Variants in CDH23 observed in about 807,000 individuals in gnomAD.
The protein encoded by CDH23 is cadherin-23.
CDH23 carries 189 observed loss-of-function variants against 317.1 expected under a neutral mutation model. The observed-to-expected ratio is 0.60, with a 90% CI of 0.53 to 0.67. The LOEUF (loss-of-function observed/expected upper bound fraction) is 0.67. Ranked by LOEUF, CDH23 falls within the 30% of genes least tolerant of loss-of-function variation. CDH23 has a pLI of 0.00. For missense variants in CDH23, 4,401 were observed against 4,592.4 expected, an observed-to-expected ratio of 0.96 and a Z score of 1.20; for synonymous variants, 1,839 against 1,876.8, an observed-to-expected ratio of 0.98 and a Z score of 0.52.
chr10:71,500,495 A>G (rs74421213), intron 3 of CDH23, among the ~76,000 whole-genome samples: 2,602 of 152,298 alleles, frequency 0.017, 60 homozygotes, highest in African/African-American at 0.054. Flanking sequence ...AAGTAGACTG[A>G]GGAAAGCCAG....
chr10:71,411,730 T>C (rs956636350), intron 1 of CDH23, among the ~76,000 whole-genome samples: 3 of 152,256 alleles, frequency 2.0e-5, no homozygotes, highest in Non-Finnish European at 4.4e-5. Flanking sequence ...TGATGTTTGC[T>C]GTAGGTTTCT....
At chr10:71,772,901 G>T (rs966161128) in intron 38 of CDH23, among the ~76,000 whole-genome samples, 1 of 152,192 alleles carries the variant, frequency 6.6e-6, no homozygotes, top group East Asian at 1.9e-4. Flanking sequence ...AGGGCATGGG[G>T]CACTGGCTGA....
chr10:71,402,035 C>T (rs1272318466), intron 1 of CDH23, among the ~76,000 whole-genome samples: 1 of 152,192 alleles, frequency 6.6e-6, no homozygotes, highest in East Asian at 1.9e-4. Flanking sequence ...CACATGGAGA[C>T]AGTTTTCTAG....
At chr10:71,753,257 G>A (rs1589397663) in intron 38 of CDH23, among the ~76,000 whole-genome samples, 2 of 152,398 alleles carry the variant, frequency 1.3e-5, no homozygotes, top group South Asian at 4.1e-4. Context: ...TTCCAGGAGT[G>A]TAAGAACGCT....
intron 56 of CDH23, 68 bp from the exon 57 acceptor site, chr10:71,806,100 C>T: frequency 6.5e-7 from 1 of 1,528,078 alleles, no homozygotes; most frequent in South Asian, 1.2e-5. Flanking sequence ...GGGAACTGGC[C>T]ACCGGGAAGT....
Position 71,803,422 on chromosome 10 carries a change from T to G in CDH23, c.7872+2T>G, listed in dbSNP as rs766906353. On this transcript the variant is annotated splice_donor_variant, in intron 55 of 69. Transcript: ENST00000224721. LOFTEE classifies it high-confidence loss of function. ...GGCACCATCCTCCACATCAGAGAGG[T>G]ACTCCTGCCCCGAGGGCCTCCTGCC... 1.3e-6 allele frequency: 2 copies of G among 1,584,362 alleles called. No individual in the cohort carries two copies. Among genetic ancestry groups the G allele is most frequent in the Non-Finnish European group, 1.7e-6 (2 of 1,166,114 alleles).
chr10:71,507,011 A>G (rs1480361589), intron 3 of CDH23, among the ~76,000 whole-genome samples: 1 of 152,162 alleles, frequency 6.6e-6, no homozygotes, highest in Non-Finnish European at 1.5e-5. Flanking sequence ...CAAGCCTGAG[A>G]GAGCCATTTG....
At chr10:71,557,980 T>C (rs895736237) in intron 6 of CDH23, among the ~76,000 whole-genome samples, 1 of 141,286 alleles carries the variant, frequency 7.1e-6, no homozygotes, top group Non-Finnish European at 1.5e-5. Flanking sequence ...CCTCTTCATT[T>C]ACTCTTTTTT....
At chr10:71,398,808 C>T (rs1030910101) in intron 1 of CDH23, among the ~76,000 whole-genome samples, 2 of 152,044 alleles carry the variant, frequency 1.3e-5, no homozygotes, top group African/African-American at 2.4e-5. Flanking sequence ...GGGTGTCCCC[C>T]GTGAGTTGGG....
chr10:71,472,257 T>C (rs2132090295), intron 3 of CDH23, among the ~76,000 whole-genome samples: 1 of 152,304 alleles, frequency 6.6e-6, no homozygotes, highest in South Asian at 2.1e-4. Context: ...GGTGTTTCTT[T>C]CCTTCTCTCC....
chr10:71,620,129 G>A (rs917151753), intron 11 of CDH23, among the ~76,000 whole-genome samples: 23 of 152,228 alleles, frequency 1.5e-4, no homozygotes, highest in Admixed American at 2.0e-4. Context: ...CTGCAGCAGG[G>A]AAGAGGCAGC....
At chr10:71,453,390 T>A (rs1218379657) in intron 3 of CDH23, among the ~76,000 whole-genome samples, 1 of 152,222 alleles carries the variant, frequency 6.6e-6, no homozygotes, top group Non-Finnish European at 1.5e-5. Context: ...GCGGTGCGCC[T>A]GCAAGCAGGC....
chr10:71,515,498 A>C (rs1418815051), intron 6 of CDH23, among the ~76,000 whole-genome samples: 1 of 150,696 alleles, frequency 6.6e-6, no homozygotes, highest in Admixed American at 6.6e-5. Context: ...CAAAGCCCAC[A>C]TCTCACCTAC....
chr10:71,811,308 C>G lies in CDH23; in HGVS notation c.9078-7C>G. ...GAGGAGAGCTGAGACCCCTGCCCCT[C>G]GCCCAGGGTGATCCAGATGATCGAT... On this transcript the variant is annotated splice_polypyrimidine_tract_variant and splice_region_variant and intron_variant, in intron 62 of 69. Transcript: ENST00000224721. The G allele has an allele frequency of 6.2e-7, 1 of 1,613,742 alleles. No homozygotes were observed. Among genetic ancestry groups the G allele is most frequent in the Non-Finnish European group, 8.5e-7 (1 of 1,179,836 alleles).
intron 1 of CDH23, among the ~76,000 whole-genome samples, chr10:71,400,399 G>T (rs1255585436): frequency 6.6e-6 from 1 of 150,716 alleles, no homozygotes; most frequent in Non-Finnish European, 1.5e-5. Flanking sequence ...TCTGCCAGGG[G>T]ACAAGGTGAT....
chr10:71,514,984 G>A (rs765519909), intron 6 of CDH23, among the ~76,000 whole-genome samples: 14 of 152,192 alleles, frequency 9.2e-5, no homozygotes, highest in Non-Finnish European at 1.9e-4. Context: ...GCGCGTGCCC[G>A]CCTCGCTGAC....
At chr10:71,659,558 T>C (rs931483104) in intron 14 of CDH23, among the ~76,000 whole-genome samples, 2 of 152,212 alleles carry the variant, frequency 1.3e-5, no homozygotes, top group African/African-American at 4.8e-5. Context: ...AAGTTCCATA[T>C]GCCTGTCATA....
At chr10:71,398,060 C>G (rs934683995) in intron 1 of CDH23, among the ~76,000 whole-genome samples, 3 of 152,192 alleles carry the variant, frequency 2.0e-5, no homozygotes, top group Non-Finnish European at 4.4e-5. Flanking sequence ...GCCCAGGACT[C>G]GAGCAGAGCC....
In CDH23 at chr10:71,667,227, G is replaced by T. The variant is rs375572007; in HGVS notation, c.1450-7885G>T. 2.6e-5 allele frequency among the ~76,000 whole-genome samples: 4 copies of T among 152,284 alleles called. No individual in the cohort carries two copies. In the East Asian group the frequency reaches 7.7e-4, roughly 29 times the overall value. On this transcript the variant is annotated intron_variant, in intron 14 of 69. Coordinates refer to ENST00000224721, the MANE Select transcript of CDH23 (RefSeq NM_022124.6). ...GCGCTGGTGAGGAGTGATTGAGTGC[G>T]TGCCTGCCAGCCTGTGGTCTGCAGG...
Sources: gnomAD v4.1 joint callset for allele counts (sites outside exome capture counted in the v4.1 genomes callset) on GRCh38, gnomAD v4.1.1 for gene constraint, MANE v1.5 for transcripts, NCBI Gene and HGNC (gene_info 2026-07-23, HGNC 2026-07-21) for gene names.